The following CAPZB variants were observed in gnomAD, a reference collection of about 807,000 sequenced individuals.
CAPZB encodes the protein F-actin-capping protein subunit beta.
A neutral mutation model predicts 38.1 loss-of-function variants in CAPZB; 2 were observed. That is an observed-to-expected ratio of 0.05 (90% CI 0.02 to 0.17). The LOEUF (loss-of-function observed/expected upper bound fraction) is 0.17. CAPZB is among the 10% of genes least tolerant of loss of function. The pLI is 1.00. For missense variants in CAPZB, 161 were observed against 334.2 expected (o/e 0.48, Z 4.04); for synonymous variants, 107 against 127.4 (o/e 0.84, Z 1.08).
intron 1 of CAPZB, 122 bp from the exon 2 acceptor site, chr1:19,419,872 C>T: frequency 1.6e-6 from 1 of 629,930 alleles, no homozygotes; most frequent in Non-Finnish European, 2.8e-6. Context: ...AGTGGGCCCT[C>T]CGCCAGGTCT....
At chr1:19,370,486 G>T (rs542251416) in intron 4 of CAPZB, among the ~76,000 whole-genome samples, 10 of 152,224 alleles carry the variant, frequency 6.6e-5, no homozygotes, top group Non-Finnish European at 1.2e-4. Context: ...CCCCAGGGAT[G>T]GGCTTGACGG....
chr1:19,396,549 C>T (rs142959604), intron 2 of CAPZB, among the ~76,000 whole-genome samples: 743 of 152,292 alleles, frequency 4.9e-3, no homozygotes, highest in Non-Finnish European at 7.5e-3. Context: ...AAGCCAGACC[C>T]GCAGCCTTCC....
chr1:19,365,497 C>T (rs916505841), intron 4 of CAPZB, among the ~76,000 whole-genome samples: 8 of 152,100 alleles, frequency 5.3e-5, no homozygotes, highest in Non-Finnish European at 1.2e-4. Context: ...GGAAGGAGGG[C>T]TCTGGTCTGG....
intron 8 of CAPZB, among the ~76,000 whole-genome samples, chr1:19,340,340 G>T (rs1323642909): frequency 6.6e-6 from 1 of 152,216 alleles, no homozygotes; most frequent in Non-Finnish European, 1.5e-5. Context: ...GCACAGGACA[G>T]CCAAGTGCCC....
chr1:19,419,730 A>G lies in CAPZB; in HGVS notation c.24T>C (p.Cys8=). Residue 8 remains cysteine (C), a synonymous_variant, in exon 2 of 9, where the codon TGT becomes TGC. Transcript: ENST00000264202. The part of the protein sequence containing the change: MSDQQLD[C]ALDLMRRLPP... Reference sequence around the variant, plus strand: ...GCAGGCGCCTCATTAGGTCCAAGGCACAGTCCAGCTGCTGATCACTCTGTG... The same window carrying G: ...GCAGGCGCCTCATTAGGTCCAAGGCGCAGTCCAGCTGCTGATCACTCTGTG... 2 of 1,587,638 alleles carry G rather than the reference A, an allele frequency of 1.3e-6. No homozygotes were observed. The highest frequency in any genetic ancestry group is 2.7e-5 in the African/African-American group (2 of 74,356).
chr1:19,342,773 G>T, intron 8 of CAPZB: 1 of 1,610,820 alleles, frequency 6.2e-7, no homozygotes, highest in Non-Finnish European at 8.5e-7. Flanking sequence ...TAATTATCAG[G>T]CTGGATGTAG....
intron 3 of CAPZB, among the ~76,000 whole-genome samples, chr1:19,378,941 C>A (rs1288217114): frequency 2.0e-5 from 3 of 152,120 alleles, no homozygotes; most frequent in African/African-American, 4.8e-5. Flanking sequence ...GCGTAAAATG[C>A]GGCTGCTACT....
intron 2 of CAPZB, among the ~76,000 whole-genome samples, chr1:19,397,745 G>A (rs1207719697): frequency 6.6e-6 from 1 of 151,478 alleles, no homozygotes; most frequent in Non-Finnish European, 1.5e-5. Context: ...TAAACCACAT[G>A]TGTGCCAAAT....
chr1:19,371,974 G>A (rs991359651), intron 4 of CAPZB, among the ~76,000 whole-genome samples: 3 of 152,202 alleles, frequency 2.0e-5, no homozygotes, highest in Admixed American at 1.3e-4. Context: ...AGCCCAGGCC[G>A]GGGGGTGGGG....
chr1:19,374,678 G>A (rs1019301346), intron 4 of CAPZB, among the ~76,000 whole-genome samples: 2 of 152,180 alleles, frequency 1.3e-5, no homozygotes, highest in African/African-American at 4.8e-5. Flanking sequence ...TGAGGCTCTG[G>A]CCATCTCTCA....
chr1:19,466,419 A>C (rs2094569397), intron 1 of CAPZB, among the ~76,000 whole-genome samples: 1 of 152,212 alleles, frequency 6.6e-6, no homozygotes, highest in Non-Finnish European at 1.5e-5. Context: ...ACGTTTTTCA[A>C]TCTTTTGAGC....
At chr1:19,483,381 C>G (rs1462939104) in intron 1 of CAPZB, among the ~76,000 whole-genome samples, 1 of 152,216 alleles carries the variant, frequency 6.6e-6, no homozygotes, top group South Asian at 2.1e-4. Flanking sequence ...TGAGCAACAC[C>G]CTGAATAAGT....
intron 3 of CAPZB, among the ~76,000 whole-genome samples, chr1:19,382,187 A>G (rs1466304379): frequency 6.6e-6 from 1 of 152,236 alleles, no homozygotes; most frequent in Non-Finnish European, 1.5e-5. Flanking sequence ...AGAAGCCTGT[A>G]ACTCACATTT....
chr1:19,401,430 G>C (rs1477832225), intron 2 of CAPZB, among the ~76,000 whole-genome samples: 3 of 152,204 alleles, frequency 2.0e-5, no homozygotes, highest in Non-Finnish European at 4.4e-5. Context: ...CTCCGGAATG[G>C]AAAGAATGTG....
chr1:19,350,705 C>G (rs563731434), intron 6 of CAPZB, among the ~76,000 whole-genome samples: 3 of 152,070 alleles, frequency 2.0e-5, no homozygotes, highest in Non-Finnish European at 4.4e-5. Flanking sequence ...ACCTCGGCCT[C>G]CCAGGTTCAG....
At chr1:19,446,121 G>A (rs1464211279) in intron 1 of CAPZB, among the ~76,000 whole-genome samples, 8 of 152,158 alleles carry the variant, frequency 5.3e-5, no homozygotes, top group Admixed American at 2.0e-4. Flanking sequence ...CAGGAAGAGC[G>A]CCAGCCCTGA....
intron 4 of CAPZB, among the ~76,000 whole-genome samples, chr1:19,366,406 T>A (rs2094088373): frequency 6.6e-6 from 1 of 150,956 alleles, no homozygotes; most frequent in Admixed American, 6.6e-5. Flanking sequence ...AACAAACTCC[T>A]GGCCGGGTGC....
chr1:19,466,131 G>T (rs938633140), intron 1 of CAPZB, among the ~76,000 whole-genome samples: 1 of 152,148 alleles, frequency 6.6e-6, no homozygotes, highest in Non-Finnish European at 1.5e-5. Context: ...ATCACTGCAC[G>T]CACTTAGGCT....
intron 1 of CAPZB, among the ~76,000 whole-genome samples, chr1:19,422,463 T>A (rs941534859): frequency 1.3e-5 from 2 of 152,112 alleles, no homozygotes; most frequent in Non-Finnish European, 2.9e-5. Flanking sequence ...GTTTTATATA[T>A]AATTCTAATT....
Sources: allele counts gnomAD v4.1 joint callset (sites outside exome capture counted in the v4.1 genomes callset), GRCh38; gene constraint gnomAD v4.1.1; transcripts MANE v1.5; gene names NCBI Gene and HGNC (gene_info 2026-07-23, HGNC 2026-07-21).